The following DPYSL2 variants were observed in gnomAD, a reference collection of about 807,000 sequenced individuals.
The protein encoded by DPYSL2 is dihydropyrimidinase-related protein 2.
DPYSL2 carries 13 observed loss-of-function variants against 69.9 expected under a neutral mutation model. That is an observed-to-expected ratio of 0.19 (90% CI 0.12 to 0.30). The LOEUF is 0.30. DPYSL2 is among the 10% of genes least tolerant of loss of function. DPYSL2 has a pLI of 1.00. For synonymous variants in DPYSL2, 326 were observed against 359.1 expected (o/e 0.91, Z 1.04); for missense variants, 587 against 918.9 (o/e 0.64, Z 4.67).
chr8:26,574,185 T>G (rs1801288288), intron 1 of DPYSL2, among the ~76,000 whole-genome samples: 1 of 151,984 alleles, frequency 6.6e-6, no homozygotes, highest in South Asian at 2.1e-4. Context: ...CATGGTAACA[T>G]TTCAGTTGTT....
At chr8:26,526,531 T>C (rs1808480720) in intron 1 of DPYSL2, among the ~76,000 whole-genome samples, 2 of 152,246 alleles carry the variant, frequency 1.3e-5, no homozygotes, top group Non-Finnish European at 2.9e-5. Flanking sequence ...AAAGGCTTTA[T>C]TCATTATTTC....
In DPYSL2 at chr8:26,558,891, A is replaced by C. The variant is rs1801030772; in HGVS notation, c.355-23078A>C. Among the ~76,000 whole-genome samples, 4 of 152,236 alleles carry C rather than the reference A, an allele frequency of 2.6e-5. 1 individual carries two copies. The South Asian group carries it at 8.3e-4, about 31-fold the overall frequency. On this transcript the variant is annotated intron_variant, in intron 1 of 13. Coordinates refer to ENST00000521913, the MANE Select transcript of DPYSL2 (RefSeq NM_001197293.3). ...AATTAATAGTTATATGGTTAGATAA[A>C]ACATGAATTTAAACAATTCTCCATT...
intron 1 of DPYSL2, among the ~76,000 whole-genome samples, chr8:26,579,953 C>T: frequency 4.1e-5 from 1 of 24,238 alleles, no homozygotes; most frequent in African/African-American, 9.9e-5. Context: ...TTTTAAAGAG[C>T]GCCCCCCCCC....
rs1222098364 is a variant in DPYSL2 at position 26,514,608 on chromosome 8, G to C, written c.283G>C (p.Val95Leu). The C allele has an allele frequency of 6.7e-7, 1 of 1,495,812 alleles. No homozygotes were observed. Among genetic ancestry groups the C allele is most frequent in the Admixed American group, 2.2e-5 (1 of 45,480 alleles). The allele number at this position is 1,495,812 out of a possible 1,614,324, so 92.7% of individuals were successfully genotyped here. Residue 95 changes from valine (V) to leucine (L), a missense_variant, in exon 1 of 14, where the codon GTT becomes CTT. Physicochemically the swap from Val to Leu is conservative, Grantham distance 32 (BLOSUM62 1). This residue lies in a region of DPYSL2 where 85 missense variants were observed against 77.7 expected (regional missense o/e 1.09). Transcript: ENST00000521913. The surrounding 1 kb of genome is among the most constrained non-coding windows in gnomAD (Gnocchi z 8.4). Reference sequence around the variant, plus strand: ...CCGGCGCGCCGGCGGAGAGCCATCTGTTGAATCGGGCCGGAAGGTGGAGAT... The same window carrying C: ...CCGGCGCGCCGGCGGAGAGCCATCTCTTGAATCGGGCCGGAAGGTGGAGAT... Reference protein sequence around the residue: ...QGRRAGGEPSVESGRKVEIRR... With the variant: ...QGRRAGGEPSLESGRKVEIRR...
At chr8:26,555,688 C>T (rs145905731) in intron 1 of DPYSL2, among the ~76,000 whole-genome samples, 3 of 151,424 alleles carry the variant, frequency 2.0e-5, no homozygotes, top group Non-Finnish European at 4.4e-5. Flanking sequence ...AGTTTGAGAC[C>T]AGCCTGGGCA....
Position 26,624,613 on chromosome 8 carries a change from G to C in DPYSL2, c.793+306G>C, listed in dbSNP as rs1802575528. Among the ~76,000 whole-genome samples the C allele has an allele frequency of 6.6e-6, 1 of 152,108 alleles. No homozygotes were observed. The highest frequency in any genetic ancestry group is 2.4e-5 in the African/African-American group (1 of 41,396). On this transcript the variant is annotated intron_variant, in intron 4 of 13. Transcript: ENST00000521913. This position sits in a 1 kb window ranked among gnomAD's most constrained non-coding sequence, Gnocchi z 4.7. ...GAGCACCGTGCTCTCTAGCCAGGGT[G>C]GGGAGTTGAGGCTGCTGAGAGAGAG...
intron 7 of DPYSL2, among the ~76,000 whole-genome samples, chr8:26,629,406 G>A (rs1414718291): frequency 1.3e-5 from 2 of 152,134 alleles, no homozygotes; most frequent in African/African-American, 4.8e-5. Flanking sequence ...ACACAGAACT[G>A]CATGCTCCAA....
At chr8:26,602,548 G>T (rs1802016046) in intron 3 of DPYSL2, among the ~76,000 whole-genome samples, 1 of 152,154 alleles carries the variant, frequency 6.6e-6, no homozygotes, top group Non-Finnish European at 1.5e-5. Flanking sequence ...CACCTTCATG[G>T]CACCATCACA....
At chr8:26,601,187 C>G (rs572941014) in intron 3 of DPYSL2, among the ~76,000 whole-genome samples, 1 of 152,314 alleles carries the variant, frequency 6.6e-6, no homozygotes, top group South Asian at 2.1e-4. Context: ...ATGCTATACC[C>G]TCACTCTGTA....
rs1395167481 is a variant in DPYSL2, at chr8:26,587,031, C to T, written c.628+3048C>T. On this transcript the variant is annotated intron_variant, in intron 3 of 13. Transcript: ENST00000521913. This position sits in a 1 kb window ranked among gnomAD's most constrained non-coding sequence, Gnocchi z 4.2. ...CTCTGTAGAATTTCTACTAGCCTGC[C>T]TTTCCCCGGGGGAGGGAATGGTAAT... Among the ~76,000 whole-genome samples, 1 of 152,220 alleles carries T rather than the reference C, an allele frequency of 6.6e-6. No homozygotes were observed. Among genetic ancestry groups the T allele is most frequent in the Non-Finnish European group, 1.5e-5 (1 of 68,042 alleles).
intron 1 of DPYSL2, among the ~76,000 whole-genome samples, chr8:26,568,253 C>T (rs1424886296): frequency 2.0e-5 from 3 of 152,122 alleles, no homozygotes; most frequent in African/African-American, 7.2e-5. Flanking sequence ...AGCCCCCAGC[C>T]CAAGCCTAGG....
chr8:26,516,992 T>C lies in DPYSL2; in HGVS notation c.354+2313T>C, dbSNP rs1484311891. Among the ~76,000 whole-genome samples, 1 of 152,238 alleles carries C rather than the reference T, an allele frequency of 6.6e-6. No homozygotes were observed. The highest frequency in any genetic ancestry group is 1.5e-5 in the Non-Finnish European group (1 of 68,050). On this transcript the variant is annotated intron_variant, in intron 1 of 13. Transcript: ENST00000521913. This position sits in a 1 kb window ranked among gnomAD's most constrained non-coding sequence, Gnocchi z 4.8. ...TTTGACTGAGTTGACTTGTCATTAG[T>C]TGGTTTTCAACGAATGAGTTGGGTG...
rs1167966336 is a variant in DPYSL2, at chr8:26,514,836, G to C, written c.354+157G>C. Among the ~76,000 whole-genome samples, 2 of 152,260 alleles carry C rather than the reference G, an allele frequency of 1.3e-5. No individual in the cohort carries two copies. Among genetic ancestry groups the C allele is most frequent in the East Asian group, 3.9e-4 (2 of 5,154 alleles). On this transcript the variant is annotated intron_variant, in intron 1 of 13. Coordinates refer to ENST00000521913, the MANE Select transcript of DPYSL2 (RefSeq NM_001197293.3). This position sits in a 1 kb window ranked among gnomAD's most constrained non-coding sequence, Gnocchi z 8.4. ...GCCCTACCCGCCCCTTCTCCGCGCA[G>C]GGTGCGGCGAGGCTCGGGCTGGGCG... is the stretch of plus-strand genomic sequence containing the variant.
rs556373487 is a variant in DPYSL2 at position 26,585,196 on chromosome 8, A to G, written c.628+1213A>G. Among the ~76,000 whole-genome samples the G allele has an allele frequency of 1.3e-5, 2 of 152,228 alleles. No individual in the cohort carries two copies. Among genetic ancestry groups the G allele is most frequent in the South Asian group, 4.1e-4 (2 of 4,836 alleles). On this transcript the variant is annotated intron_variant, in intron 3 of 13. Transcript: ENST00000521913. This position sits in a 1 kb window ranked among gnomAD's most constrained non-coding sequence, Gnocchi z 4.0. ...GTTCAGTTCAGAAGAGGGTCTAAGTAGAAAGAACTTAGCTGTTTCTGCTAT... is the reference window on the plus strand; with the variant it reads ...GTTCAGTTCAGAAGAGGGTCTAAGTGGAAAGAACTTAGCTGTTTCTGCTAT...
chr8:26,579,403 G>T (rs949445478), intron 1 of DPYSL2, among the ~76,000 whole-genome samples: 2 of 152,232 alleles, frequency 1.3e-5, no homozygotes, highest in African/African-American at 2.4e-5. Flanking sequence ...GGGAACACCA[G>T]GGAAATTCAT....
At position 26,582,432 on chromosome 8, in the gene DPYSL2, T is replaced by C. The variant is rs1801511853; in HGVS notation, c.443+375T>C. ...CAAAGGACGCAAACGTGAAAGACAG[T>C]CTCCTCTATTGAGACAGCACATCTG... On this transcript the variant is annotated intron_variant, in intron 2 of 13. Transcript: ENST00000521913. This position sits in a 1 kb window ranked among gnomAD's most constrained non-coding sequence, Gnocchi z 4.1. Among the ~76,000 whole-genome samples, 1 of 152,216 alleles carries C rather than the reference T, an allele frequency of 6.6e-6. No homozygotes were observed. The highest frequency in any genetic ancestry group is 1.5e-5 in the Non-Finnish European group (1 of 68,030).
chr8:26,581,429 A>G (rs1801491071), intron 1 of DPYSL2, among the ~76,000 whole-genome samples: 1 of 150,590 alleles, frequency 6.6e-6, no homozygotes, highest in Middle Eastern at 3.4e-3. Context: ...GCTGGGGTGC[A>G]GTGACGTGAT....
chr8:26,580,308 G>A lies in DPYSL2; in HGVS notation c.355-1661G>A, dbSNP rs1253076721. 1.3e-5 allele frequency among the ~76,000 whole-genome samples: 2 copies of A among 152,136 alleles called. No individual in the cohort carries two copies. The highest frequency in any genetic ancestry group is 2.9e-5 in the Non-Finnish European group (2 of 68,038). ...ACTGATTTGAGTGACCTGGGCAAGT[G>A]GCCTAACCTCTCTGAGCCTCAGTTT... is the stretch of plus-strand genomic sequence containing the variant. On this transcript the variant is annotated intron_variant, in intron 1 of 13. Transcript: ENST00000521913. The surrounding 1 kb of genome is among the most constrained non-coding windows in gnomAD (Gnocchi z 4.1).
Position 26,514,688 on chromosome 8 carries a change from G to T in DPYSL2, c.354+9G>T. On this transcript the variant is annotated intron_variant, in intron 1 of 13. Coordinates refer to ENST00000521913, the MANE Select transcript of DPYSL2 (RefSeq NM_001197293.3). The surrounding 1 kb of genome is among the most constrained non-coding windows in gnomAD (Gnocchi z 8.4). ...AGAACATCAACGACCAGGTCGGTGT[G>T]GGGGTTGGGGGTGGAGACGGAGGAC... The T allele has an allele frequency of 1.4e-6, 2 of 1,391,602 alleles. No individual in the cohort carries two copies. Among genetic ancestry groups the T allele is most frequent in the Non-Finnish European group, 1.9e-6 (2 of 1,076,880 alleles). The allele number at this position is 1,391,602 out of a possible 1,614,324, so 86.2% of individuals were successfully genotyped here. A position where few individuals can be genotyped will look rare whatever the true frequency, so the allele number is the denominator to read the frequency against.
Sources: gnomAD v4.1 joint callset for allele counts (sites outside exome capture counted in the v4.1 genomes callset) on GRCh38, gnomAD v4.1.1 for gene constraint, gnomAD v4.1.1 regional missense constraint, Gnocchi (gnomAD v3.1) non-coding constraint, MANE v1.5 for transcripts, NCBI Gene and HGNC (gene_info 2026-07-23, HGNC 2026-07-21) for gene names.